BLNK: variants seen among roughly 807,000 people sequenced by gnomAD.
BLNK encodes the protein B cell linker, also known as B-cell linker protein.
A neutral mutation model predicts 73.5 loss-of-function variants in BLNK; 29 were observed. The ratio of observed to expected loss-of-function variants is 0.39; its 90% CI spans 0.29 to 0.54. The LOEUF is 0.54. BLNK is among the 20% of genes least tolerant of loss of function. BLNK has a pLI of 0.61. For synonymous variants in BLNK, 176 were observed against 200.8 expected, an observed-to-expected ratio of 0.88 and a Z score of 1.04; for missense variants, 460 against 562.8, an observed-to-expected ratio of 0.82 and a Z score of 1.85.
chr10:96,201,071 A>G lies in BLNK; in HGVS notation c.935-13T>C. On this transcript the variant is annotated splice_polypyrimidine_tract_variant and intron_variant, in intron 13 of 16. Transcript: ENST00000224337. ...CCTTCTGTAAATCCTGAAAGGGATC[A>G]GAAAAGTCCTTCAATTAATCTTCAT... 2 of 1,609,134 alleles carry G rather than the reference A, an allele frequency of 1.2e-6. No individual in the cohort carries two copies. Among genetic ancestry groups the G allele is most frequent in the Non-Finnish European group, 1.7e-6 (2 of 1,175,444 alleles).
chr10:96,249,614 C>T (rs1260299512), intron 1 of BLNK, among the ~76,000 whole-genome samples: 1 of 152,176 alleles, frequency 6.6e-6, no homozygotes, highest in Non-Finnish European at 1.5e-5. Context: ...AGATCTCTCT[C>T]CTTCTAGGGC....
In BLNK at chr10:96,216,694, T is replaced by C. The variant is rs782820156; in HGVS notation, c.566A>G (p.Tyr189Cys). 12 of 1,614,034 alleles carry C rather than the reference T, an allele frequency of 7.4e-6. No individual in the cohort carries two copies. The highest frequency in any genetic ancestry group is 5.0e-5 in the Admixed American group (3 of 60,006). Residue 189 changes from tyrosine (Y) to cysteine (C), a missense_variant, in exon 7 of 17, where the codon TAT becomes TGT. By Grantham distance (194) the Tyr-to-Cys change is radical (BLOSUM62 -2). Coordinates refer to ENST00000224337, the MANE Select transcript of BLNK (RefSeq NM_013314.4). ...TGAACTGCTTTCTGTGGGATGAATATAGTTTTCATCATTATCTTCCACGGG... is the reference window on the plus strand; with the variant it reads ...TGAACTGCTTTCTGTGGGATGAATACAGTTTTCATCATTATCTTCCACGGG... ...VVPVEDNDEN[Y>C]IHPTESSSPP...
At chr10:96,232,432 A>G (rs1842535047) in intron 3 of BLNK, among the ~76,000 whole-genome samples, 1 of 152,158 alleles carries the variant, frequency 6.6e-6, no homozygotes, top group South Asian at 2.1e-4. Flanking sequence ...CCCCTGCCAC[A>G]GCAGACCACC....
At chr10:96,217,350 T>C (rs34914096) in intron 6 of BLNK, among the ~76,000 whole-genome samples, 88 of 152,334 alleles carry the variant, frequency 5.8e-4, no homozygotes, top group Non-Finnish European at 9.1e-4. Context: ...TTGAGTCATA[T>C]GGTAGCTCTA....
chr10:96,225,315 T>C (rs1842204607), intron 5 of BLNK, among the ~76,000 whole-genome samples: 1 of 152,218 alleles, frequency 6.6e-6, no homozygotes, highest in Non-Finnish European at 1.5e-5. Flanking sequence ...TGCTGCTTCC[T>C]GTGACAGCCC....
At chr10:96,204,801 C>A (rs868958302) in intron 11 of BLNK, 185 bp from the exon 12 acceptor site, 7 of 605,442 alleles carry the variant, frequency 1.2e-5, no homozygotes, top group East Asian at 3.1e-5. Flanking sequence ...CTATGAGGAC[C>A]AGGACTCCCT....
intron 2 of BLNK, among the ~76,000 whole-genome samples, chr10:96,243,537 A>G (rs1842942182): frequency 6.6e-6 from 1 of 152,168 alleles, no homozygotes. Context: ...ACAGAGCGAG[A>G]CACTGTCTTT....
intron 8 of BLNK, among the ~76,000 whole-genome samples, chr10:96,212,543 G>A (rs1419003304): frequency 2.0e-5 from 3 of 152,192 alleles, no homozygotes; most frequent in Admixed American, 6.5e-5. Flanking sequence ...CTAAACCTCT[G>A]GCTTTGGAGT....
rs1554893358 is a variant in BLNK at position 96,191,310 on chromosome 10, T to C, written c.*663A>G. Among the ~76,000 whole-genome samples, 3 of 149,030 alleles carry C rather than the reference T, an allele frequency of 2.0e-5. No individual in the cohort carries two copies. The highest frequency in any genetic ancestry group is 4.4e-5 in the Non-Finnish European group (3 of 67,512). On this transcript the variant is annotated 3_prime_UTR_variant, in exon 17 of 17. Coordinates refer to ENST00000224337, the MANE Select transcript of BLNK (RefSeq NM_013314.4). ...TATTAGCAGCGTGATAATGGACTAA[T>C]ACAAACCTCATATCAAGTTTAGGTT...
chr10:96,228,203 G>A (rs1035259680), intron 4 of BLNK, among the ~76,000 whole-genome samples: 1 of 150,764 alleles, frequency 6.6e-6, no homozygotes, highest in Non-Finnish European at 1.5e-5. Flanking sequence ...GGGTTCCAGC[G>A]ATTCTCCTGC....
At chr10:96,230,950 T>A in intron 3 of BLNK, 116 bp from the exon 4 acceptor site, 2 of 1,032,780 alleles carry the variant, frequency 1.9e-6, no homozygotes, top group Non-Finnish European at 1.5e-6. Flanking sequence ...TCTGGTGCCA[T>A]ATACTTGACC....
At chr10:96,253,235 A>T (rs1843362146) in intron 1 of BLNK, among the ~76,000 whole-genome samples, 1 of 152,222 alleles carries the variant, frequency 6.6e-6, no homozygotes, top group Admixed American at 6.5e-5. Flanking sequence ...CTTAGGCTTT[A>T]TCTGCATCTT....
intron 9 of BLNK, among the ~76,000 whole-genome samples, chr10:96,208,676 C>G (rs1207137433): frequency 2.0e-5 from 3 of 152,122 alleles, no homozygotes; most frequent in African/African-American, 7.2e-5. Flanking sequence ...TTTAAAAACC[C>G]TCACCATATC....
At chr10:96,223,315 C>T (rs2084242930) in intron 6 of BLNK, among the ~76,000 whole-genome samples, 1 of 152,156 alleles carries the variant, frequency 6.6e-6, no homozygotes, top group East Asian at 1.9e-4. Flanking sequence ...AAAACCCCAA[C>T]TCAAAGGTCA....
In BLNK at chr10:96,271,532, G is replaced by T. The variant is rs1844271302; in HGVS notation, c.-134C>A. On this transcript the variant is annotated 5_prime_UTR_variant, in exon 1 of 17. Coordinates refer to ENST00000224337, the MANE Select transcript of BLNK (RefSeq NM_013314.4). ...CCACTCAAGTCTGATTTCTGAGAGT[G>T]CAGGCTGCTGGCAAACACCCCTGCT... 1 of 899,662 alleles carries T rather than the reference G, an allele frequency of 1.1e-6. No homozygotes were observed. The highest frequency in any genetic ancestry group is 1.8e-6 in the Non-Finnish European group (1 of 545,056). The allele number at this position is 899,662 out of a possible 1,614,324, so 55.7% of individuals were successfully genotyped here.
At chr10:96,258,100 G>A (rs541687816) in intron 1 of BLNK, among the ~76,000 whole-genome samples, 4 of 152,204 alleles carry the variant, frequency 2.6e-5, no homozygotes, top group South Asian at 2.1e-4. Flanking sequence ...TTCTGGCACC[G>A]GCTTCCTAAT....
At position 96,230,821 on chromosome 10, in the gene BLNK, G is replaced by A. The variant is rs140266229; in HGVS notation, c.177C>T (p.Asp59=). ...AGTCATCGGACCACTGCTCCTCTTC[G>A]TCAGCAGGGCTCTCTGCAACAGCAG... ...RRDYASESPA[D]EEEQWSDDFD... The change falls in exon 4 of 17, where the codon GAC becomes GAT. Residue 59 remains aspartate, a synonymous_variant. Transcript: ENST00000224337. 182 of 1,611,422 alleles carry A rather than the reference G, an allele frequency of 1.1e-4. 1 individual carries two copies. In the African/African-American group the frequency reaches 1.7e-3, roughly 15 times the overall value.
intron 5 of BLNK, 141 bp from the exon 6 acceptor site, chr10:96,224,130 T>A: frequency 2.0e-6 from 2 of 998,760 alleles, no homozygotes; most frequent in Non-Finnish European, 1.5e-6. Context: ...CTTGAAAGAG[T>A]AAAGTGAAAT....
intron 6 of BLNK, 124 bp downstream of exon 6, chr10:96,223,702 G>A: frequency 8.6e-7 from 1 of 1,162,410 alleles, no homozygotes; most frequent in South Asian, 1.3e-5. Flanking sequence ...TAATAGTGGA[G>A]AGTTAGAGGG....
Sources: gnomAD v4.1 joint callset for allele counts (sites outside exome capture counted in the v4.1 genomes callset) on GRCh38, gnomAD v4.1.1 for gene constraint, MANE v1.5 for transcripts, NCBI Gene and HGNC (gene_info 2026-07-23, HGNC 2026-07-21) for gene names.